The following SYN3 variants were observed in gnomAD, a reference collection of about 807,000 sequenced individuals.
SYN3 encodes synapsin-3.
In SYN3, 35 loss-of-function variants were observed where a neutral mutation model predicts 65.8. That is an observed-to-expected ratio of 0.53 (90% CI 0.41 to 0.70). The LOEUF (loss-of-function observed/expected upper bound fraction) is 0.70, where lower values mean the gene tolerates loss of function less well. Among genes scored for constraint, SYN3 ranks in the 30% least tolerant of loss-of-function variants. The pLI is 0.00. For missense variants in SYN3, 680 were observed against 749.0 expected, an observed-to-expected ratio of 0.91 and a Z score of 1.08; for synonymous variants, 270 against 292.9, an observed-to-expected ratio of 0.92 and a Z score of 0.80.
intron 6 of SYN3, among the ~76,000 whole-genome samples, chr22:32,611,291 T>TG (rs1159843175): frequency 9.1e-6 from 1 of 110,328 alleles, no homozygotes; most frequent in Non-Finnish European, 1.9e-5. Context: ...TTTGTTTTTT[T>TG]TTTTTTTTTT....
intron 1 of SYN3, among the ~76,000 whole-genome samples, chr22:33,044,580 C>T (rs1481823912): frequency 6.6e-6 from 1 of 151,964 alleles, no homozygotes; most frequent in Non-Finnish European, 1.5e-5. Flanking sequence ...AACCTTATTC[C>T]AGACCTTCGC....
At chr22:32,826,394 A>G (rs1250160284) in intron 6 of SYN3, among the ~76,000 whole-genome samples, 1 of 152,196 alleles carries the variant, frequency 6.6e-6, no homozygotes, top group Non-Finnish European at 1.5e-5. Context: ...GTGTCACTGC[A>G]CTATAGCTTG....
chr22:32,833,698 A>G (rs1029519958), intron 6 of SYN3: 46 of 455,408 alleles, frequency 1.0e-4, no homozygotes, highest in African/African-American at 6.5e-4. Flanking sequence ...CTGGCATGCT[A>G]TGTCCACCAC....
At chr22:32,564,040 G>A (rs965194955) in intron 7 of SYN3, among the ~76,000 whole-genome samples, 1 of 152,328 alleles carries the variant, frequency 6.6e-6, no homozygotes, top group South Asian at 2.1e-4. Context: ...ATGGATGGGA[G>A]GGGCCAGCTG....
intron 6 of SYN3, among the ~76,000 whole-genome samples, chr22:32,611,307 TG>T (rs1433103812): frequency 4.0e-5 from 3 of 75,818 alleles, no homozygotes; most frequent in East Asian, 3.6e-4. Flanking sequence ...TTTTTTTTTG[TG>T]GGGGGGATGG....
chr22:32,927,787 T>C (rs2050514848), intron 4 of SYN3, among the ~76,000 whole-genome samples: 1 of 152,246 alleles, frequency 6.6e-6, no homozygotes. Flanking sequence ...AGTACATACA[T>C]ACTTTACAGT....
At chr22:32,954,217 G>T (rs1601775701) in intron 3 of SYN3, among the ~76,000 whole-genome samples, 1 of 152,296 alleles carries the variant, frequency 6.6e-6, no homozygotes, top group East Asian at 1.9e-4. Context: ...AGACTTCAAG[G>T]TTGGGGAGAG....
intron 6 of SYN3, among the ~76,000 whole-genome samples, chr22:32,805,754 T>C (rs1197619683): frequency 6.6e-6 from 1 of 151,938 alleles, no homozygotes; most frequent in Non-Finnish European, 1.5e-5. Flanking sequence ...TAAAACGTAT[T>C]ATCAGTTATA....
chr22:32,620,039 A>G (rs188219162), intron 6 of SYN3, among the ~76,000 whole-genome samples: 2 of 152,360 alleles, frequency 1.3e-5, no homozygotes, highest in East Asian at 3.9e-4. Context: ...ACCAGCTGAG[A>G]CTAGAAGTGC....
chr22:32,744,142 G>C (rs911096546), intron 6 of SYN3, among the ~76,000 whole-genome samples: 1 of 152,104 alleles, frequency 6.6e-6, no homozygotes, highest in East Asian at 1.9e-4. Flanking sequence ...GTTAAGAGCA[G>C]ATGCTACCTT....
intron 6 of SYN3, among the ~76,000 whole-genome samples, chr22:32,642,563 CT>C (rs1368256705): frequency 1.6e-4 from 24 of 151,882 alleles, no homozygotes; most frequent in Admixed American, 3.3e-4. Context: ...GCCTCAGCCT[CT>C]CCGAGTAGCT....
At position 33,050,824 on chromosome 22, in the gene SYN3, C is replaced by T. The variant is rs1250923631; in HGVS notation, c.-163+7468G>A. On this transcript the variant is annotated intron_variant, in intron 1 of 13. Transcript: ENST00000358763. ...CATCTTGGACAAGTCACTCAACCTC[C>T]TTTAGCCTTGATTTGCACATCTGCA... Among the ~76,000 whole-genome samples, 3 of 152,236 alleles carry T rather than the reference C, an allele frequency of 2.0e-5. No individual in the cohort carries two copies. In the East Asian group the frequency reaches 5.8e-4, roughly 29 times the overall value.
At chr22:33,015,107 G>C (rs984641444) in intron 1 of SYN3, 1 of 174,122 alleles carries the variant, frequency 5.7e-6, no homozygotes, top group Non-Finnish European at 1.3e-5. Context: ...TGTAGTCCCA[G>C]TTACTGGGGA....
At chr22:32,699,377 G>C (rs2060781196) in intron 6 of SYN3, among the ~76,000 whole-genome samples, 1 of 152,258 alleles carries the variant, frequency 6.6e-6, no homozygotes, top group Non-Finnish European at 1.5e-5. Context: ...CCAATGGGCA[G>C]GGAGGCTTAG....
chr22:32,560,229 G>C (rs185053535), intron 7 of SYN3, among the ~76,000 whole-genome samples: 1 of 152,202 alleles, frequency 6.6e-6, no homozygotes, highest in African/African-American at 2.4e-5. Flanking sequence ...ACTTTACTTC[G>C]TTTCATTCCT....
At chr22:33,011,798 T>A (rs928042278) in intron 1 of SYN3, among the ~76,000 whole-genome samples, 1 of 152,206 alleles carries the variant, frequency 6.6e-6, no homozygotes, top group African/African-American at 2.4e-5. Context: ...TTTGACAATA[T>A]GTGATTTCGA....
At chr22:32,612,348 G>C (rs1458693236) in intron 6 of SYN3, among the ~76,000 whole-genome samples, 1 of 152,180 alleles carries the variant, frequency 6.6e-6, no homozygotes, top group Non-Finnish European at 1.5e-5. Context: ...GGACAGTCTT[G>C]TGGGACTGAG....
chr22:32,864,879 A>G (rs202055963), intron 6 of SYN3, 36 bp downstream of exon 6: 12 of 1,566,868 alleles, frequency 7.7e-6, no homozygotes, highest in Non-Finnish European at 1.1e-5. Context: ...TTCATTCCGC[A>G]TCATGCAAAG....
chr22:32,788,924 A>G (rs1304510414), intron 6 of SYN3, among the ~76,000 whole-genome samples: 1 of 152,090 alleles, frequency 6.6e-6, no homozygotes, highest in Non-Finnish European at 1.5e-5. Flanking sequence ...AGTGGGAACA[A>G]CTCGGGACAC....
Sources: allele counts gnomAD v4.1 joint callset (sites outside exome capture counted in the v4.1 genomes callset), GRCh38; gene constraint gnomAD v4.1.1; transcripts MANE v1.5; gene names NCBI Gene and HGNC (gene_info 2026-07-23, HGNC 2026-07-21).